The following TRPM6 variants were observed in gnomAD, a reference collection of about 807,000 sequenced individuals.
TRPM6 encodes transient receptor potential cation channel subfamily M member 6, also known as channel kinase 2.
A neutral mutation model predicts 247.6 loss-of-function variants in TRPM6; 111 were observed. That is an observed-to-expected ratio of 0.45 (90% CI 0.38 to 0.52). TRPM6 has a LOEUF of 0.52. TRPM6 is among the 20% of genes least tolerant of loss of function. The probability of loss-of-function intolerance (pLI) is 0.00; values close to 1 mark genes in which losing one functional copy is unlikely to be tolerated. For missense variants in TRPM6, 2,126 were observed against 2,421.5 expected (o/e 0.88, Z 2.56); for synonymous variants, 892 against 853.8 (o/e 1.04, Z -0.78).
intron 25 of TRPM6, among the ~76,000 whole-genome samples, chr9:74,764,518 G>T (rs1343082647): frequency 6.6e-6 from 1 of 152,160 alleles, no homozygotes; most frequent in Non-Finnish European, 1.5e-5. Flanking sequence ...AGGCAAGGAA[G>T]GATAGCAACA....
chr9:74,759,927 C>T (rs1270770572), intron 27 of TRPM6, among the ~76,000 whole-genome samples: 20 of 151,710 alleles, frequency 1.3e-4, no homozygotes, highest in Admixed American at 1.3e-3. Flanking sequence ...AGACAACAAC[C>T]CAATTTTTTA....
intron 19 of TRPM6, among the ~76,000 whole-genome samples, chr9:74,790,744 A>G (rs1432834255): frequency 6.6e-6 from 1 of 152,228 alleles, no homozygotes; most frequent in Non-Finnish European, 1.5e-5. Context: ...ATAGTGTACA[A>G]CTATACGAAT....
chr9:74,824,087 C>T (rs1273825083), intron 7 of TRPM6, among the ~76,000 whole-genome samples: 1 of 149,378 alleles, frequency 6.7e-6, no homozygotes, highest in Non-Finnish European at 1.5e-5. Flanking sequence ...TTTTACCATC[C>T]GAAAAAGAAA....
intron 4 of TRPM6, among the ~76,000 whole-genome samples, chr9:74,841,223 C>T (rs944568656): frequency 1.3e-5 from 2 of 152,194 alleles, no homozygotes; most frequent in Non-Finnish European, 2.9e-5. Context: ...GCCCCAGAAT[C>T]ATTTTTTATT....
chr9:74,856,991 G>C (rs534245254), intron 2 of TRPM6, among the ~76,000 whole-genome samples: 1 of 152,100 alleles, frequency 6.6e-6, no homozygotes, highest in African/African-American at 2.4e-5. Context: ...CTCTTCTTGA[G>C]TCTATGGGCT....
intron 6 of TRPM6, 118 bp from the exon 7 acceptor site, chr9:74,828,067 C>T: frequency 8.8e-7 from 1 of 1,130,330 alleles, no homozygotes; most frequent in East Asian, 2.4e-5. Context: ...AAAAGTACTA[C>T]TTGCGGCCAG....
Position 74,722,500 on chromosome 9 carries a change from T to A in TRPM6, c.*2113A>T, listed in dbSNP as rs182528852. ...AAAAGAAAAGGCACACCACAGAAAT[T>A]TGAAATCCAAATGTATTTGCTTTCA... On this transcript the variant is annotated 3_prime_UTR_variant, in exon 39 of 39. Coordinates refer to ENST00000360774, the MANE Select transcript of TRPM6 (RefSeq NM_017662.5). 1 of 152,220 alleles carries A rather than the reference T, an allele frequency of 6.6e-6. No individual in the cohort carries two copies. The highest frequency in any genetic ancestry group is 1.5e-5 in the Non-Finnish European group (1 of 68,038). The allele number at this position is 152,220 out of a possible 1,614,324, so 9.4% of individuals were successfully genotyped here.
In TRPM6 at chr9:74,792,669, G is replaced by A. The variant is rs1176037617; in HGVS notation, c.2493C>T (p.Val831=). ...GHQHLPWTRK[V]YEFYSAPIVK... ...CAATTGGAGCACTGTAGAACTCATA[G>A]ACTTTCCTGGTCCACGGAAGGTGTT... is the stretch of plus-strand genomic sequence containing the variant. Residue 831 remains valine (V), a synonymous_variant, in exon 19 of 39, where the codon GTC becomes GTT. Transcript: ENST00000360774. 2 of 1,613,948 alleles carry A rather than the reference G, an allele frequency of 1.2e-6. No homozygotes were observed. The highest frequency in any genetic ancestry group is 2.7e-5 in the African/African-American group (2 of 74,896).
intron 33 of TRPM6, among the ~76,000 whole-genome samples, 169 bp from the exon 34 acceptor site, chr9:74,740,178 T>A (rs544230806): frequency 6.6e-6 from 1 of 152,180 alleles, no homozygotes; most frequent in Non-Finnish European, 1.5e-5. Context: ...TGGCCATGTT[T>A]CCATGTTATT....
intron 3 of TRPM6, among the ~76,000 whole-genome samples, chr9:74,851,757 A>AT (rs1554727670): frequency 4.0e-4 from 56 of 139,572 alleles, no homozygotes; most frequent in African/African-American, 1.4e-3. Context: ...TCAAAAAAAA[A>AT]AAAAAAATAT....
At chr9:74,887,661 A>C in intron 1 of TRPM6, 163 bp downstream of exon 1, 1 of 1,595,186 alleles carries the variant, frequency 6.3e-7, no homozygotes, top group Non-Finnish European at 8.5e-7. Context: ...TTGGGTGGAG[A>C]CCAGAGAACT....
intron 4 of TRPM6, 145 bp downstream of exon 4, chr9:74,842,021 G>C (rs1362659849): frequency 3.6e-6 from 3 of 837,824 alleles, no homozygotes; most frequent in Non-Finnish European, 5.7e-6. Context: ...TGAGGCAGGA[G>C]AATCACTTGA....
rs761200141 is a variant in TRPM6 at position 74,775,940 on chromosome 9, G to A, written c.3346C>T (p.Arg1116Cys). The A allele has an allele frequency of 7.4e-6, 12 of 1,614,144 alleles. No individual in the cohort carries two copies. The Admixed American group carries it at 1.2e-4, about 16-fold the overall frequency. The change falls in exon 24 of 39, where the codon CGC (arginine) becomes TGC (cysteine). Residue 1116 changes from arginine to cysteine, a missense_variant. Around this residue, in one of 3 missense-constraint regions of TRPM6, gnomAD observed 717 missense variants for 715.9 expected, o/e 1.00. Coordinates refer to ENST00000360774, the MANE Select transcript of TRPM6 (RefSeq NM_017662.5). ...GGAGCTCGATGACAGCACAGGCGGCGGAGGAGAAGGCCCACGTGGCTCAGC... is the reference window on the plus strand; with the variant it reads ...GGAGCTCGATGACAGCACAGGCGGCAGAGGAGAAGGCCCACGTGGCTCAGC... ...ILLSHVGLLL[R>C]RLCCHRAPHD...
intron 1 of TRPM6, among the ~76,000 whole-genome samples, chr9:74,860,960 C>A (rs940214856): frequency 1.3e-5 from 2 of 152,072 alleles, no homozygotes; most frequent in Non-Finnish European, 2.9e-5. Context: ...GAAGTCGAGG[C>A]TGCAGTGAGC....
intron 18 of TRPM6, among the ~76,000 whole-genome samples, chr9:74,795,946 T>A (rs1245758012): frequency 6.6e-6 from 1 of 152,172 alleles, no homozygotes; most frequent in Non-Finnish European, 1.5e-5. Context: ...TTACCCACTA[T>A]TACCACAAGA....
chr9:74,821,517 T>C, intron 8 of TRPM6, 152 bp downstream of exon 8: 1 of 932,344 alleles, frequency 1.1e-6, no homozygotes, highest in Non-Finnish European at 1.7e-6. Context: ...CATTTTGATG[T>C]TGAACAACAA....
Position 74,723,202 on chromosome 9 carries a change from A to G in TRPM6, c.*1411T>C, listed in dbSNP as rs1399190803. 1 of 152,168 alleles carries G rather than the reference A, an allele frequency of 6.6e-6. No homozygotes were observed. The highest frequency in any genetic ancestry group is 1.5e-5 in the Non-Finnish European group (1 of 68,038). The allele number at this position is 152,168 out of a possible 1,614,324, so 9.4% of individuals were successfully genotyped here. ...GCTTCACCTTAGGCCTCACAAACCA[A>G]TGACATGTTCTCAGCCATATTTCAA... On this transcript the variant is annotated 3_prime_UTR_variant, in exon 39 of 39. Transcript: ENST00000360774.
chr9:74,796,569 G>C (rs994397967), intron 18 of TRPM6, among the ~76,000 whole-genome samples, 172 bp downstream of exon 18: 1 of 152,164 alleles, frequency 6.6e-6, no homozygotes, highest in Non-Finnish European at 1.5e-5. Flanking sequence ...TGCTTGATTG[G>C]TCAGAGGCAT....
At chr9:74,840,786 G>A (rs1564041797) in intron 4 of TRPM6, among the ~76,000 whole-genome samples, 5 of 139,274 alleles carry the variant, frequency 3.6e-5, no homozygotes, top group South Asian at 2.2e-4. Context: ...ATCCACTCAC[G>A]CCACTGCACT....
Sources: allele counts gnomAD v4.1 joint callset (sites outside exome capture counted in the v4.1 genomes callset), GRCh38; gene constraint gnomAD v4.1.1; regional missense constraint gnomAD v4.1.1; transcripts MANE v1.5; gene names NCBI Gene and HGNC (gene_info 2026-07-23, HGNC 2026-07-21).